Variants in CNTNAP5 observed in about 807,000 individuals in gnomAD.
The protein encoded by CNTNAP5 is contactin associated protein family member 5.
In CNTNAP5, 72 loss-of-function variants were observed where a neutral mutation model predicts 150.2. That is an observed-to-expected ratio of 0.48 (90% CI 0.40 to 0.58). The LOEUF (loss-of-function observed/expected upper bound fraction) is 0.58. Ranked by LOEUF, CNTNAP5 falls within the 20% of genes least tolerant of loss-of-function variation. The pLI is 0.00. For missense variants in CNTNAP5, 1,636 were observed against 1,626.2 expected (o/e 1.01, Z -0.10); for synonymous variants, 672 against 619.8 (o/e 1.08, Z -1.25).
At chr2:124,777,102 T>A (rs1181330817) in intron 17 of CNTNAP5, among the ~76,000 whole-genome samples, 1 of 149,248 alleles carries the variant, frequency 6.7e-6, no homozygotes, top group African/African-American at 2.5e-5. Context: ...TAAGAAACAC[T>A]AGAAGAGCAC....
chr2:124,650,475 C>A (rs1246059619), intron 13 of CNTNAP5, among the ~76,000 whole-genome samples: 1 of 152,210 alleles, frequency 6.6e-6, no homozygotes, highest in Non-Finnish European at 1.5e-5. Context: ...CAACAGCCAG[C>A]ATCCAGGGCA....
At chr2:124,796,234 CTT>C (rs1558779096) in intron 18 of CNTNAP5, among the ~76,000 whole-genome samples, 1 of 152,032 alleles carries the variant, frequency 6.6e-6, no homozygotes, top group African/African-American at 2.4e-5. Flanking sequence ...AATTTATTGT[CTT>C]AAGTATAAAG....
chr2:124,432,957 G>A (rs1180550868), intron 4 of CNTNAP5, among the ~76,000 whole-genome samples: 3 of 152,180 alleles, frequency 2.0e-5, no homozygotes, highest in Admixed American at 2.0e-4. Flanking sequence ...AGTTCACATT[G>A]ATGTGTCATA....
At chr2:124,249,325 TG>T (rs1687112359) in intron 3 of CNTNAP5, among the ~76,000 whole-genome samples, 1 of 152,208 alleles carries the variant, frequency 6.6e-6, no homozygotes, top group Non-Finnish European at 1.5e-5. Context: ...CTTTCCCCTT[TG>T]TTTTCCTTCC....
chr2:124,774,392 G>A (rs1266843490), intron 17 of CNTNAP5, among the ~76,000 whole-genome samples: 2 of 152,064 alleles, frequency 1.3e-5, no homozygotes, highest in African/African-American at 2.4e-5. Context: ...AATAGAGTGT[G>A]AGGATATCAT....
chr2:124,576,915 G>T (rs1176847235), intron 11 of CNTNAP5, among the ~76,000 whole-genome samples: 1 of 152,026 alleles, frequency 6.6e-6, no homozygotes, highest in Non-Finnish European at 1.5e-5. Flanking sequence ...ACATTTTCTG[G>T]CCATCTGTGC....
chr2:124,285,338 TAG>T (rs1375898914), intron 3 of CNTNAP5, among the ~76,000 whole-genome samples: 3 of 152,182 alleles, frequency 2.0e-5, no homozygotes, highest in Non-Finnish European at 4.4e-5. Flanking sequence ...TCCCTTTTCA[TAG>T]AGTTATCTTA....
intron 14 of CNTNAP5, among the ~76,000 whole-genome samples, chr2:124,749,020 A>G (rs189764538): frequency 2.7e-4 from 41 of 152,186 alleles, no homozygotes; most frequent in Middle Eastern, 3.4e-3. Context: ...TAAACATTAT[A>G]CCTCTCAAGA....
intron 10 of CNTNAP5, among the ~76,000 whole-genome samples, chr2:124,529,907 G>A (rs1227222077): frequency 6.6e-6 from 1 of 152,152 alleles, no homozygotes; most frequent in Non-Finnish European, 1.5e-5. Flanking sequence ...TCAAAGTGAA[G>A]TGGGATCCCG....
At chr2:124,525,276 G>C (rs1032653515) in intron 9 of CNTNAP5, among the ~76,000 whole-genome samples, 1 of 152,192 alleles carries the variant, frequency 6.6e-6, no homozygotes, top group East Asian at 1.9e-4. Context: ...CCTTGAGAAA[G>C]ATACTTATAG....
At chr2:124,565,660 C>T (rs1484862695) in intron 11 of CNTNAP5, among the ~76,000 whole-genome samples, 5 of 133,850 alleles carry the variant, frequency 3.7e-5, no homozygotes, top group African/African-American at 5.6e-5. Context: ...AGTGCAGTGG[C>T]GCGATCTCGG....
chr2:124,620,135 A>ATCTC (rs1677581189), intron 12 of CNTNAP5, among the ~76,000 whole-genome samples: 2 of 151,960 alleles, frequency 1.3e-5, no homozygotes, highest in African/African-American at 4.8e-5. Context: ...GAAAATAAGG[A>ATCTC]ACAGGGTGTG....
At chr2:124,430,841 T>C (rs1455330726) in intron 4 of CNTNAP5, among the ~76,000 whole-genome samples, 1 of 152,220 alleles carries the variant, frequency 6.6e-6, no homozygotes. Context: ...AAGTTCTTGA[T>C]AGCATCTTTA....
intron 3 of CNTNAP5, among the ~76,000 whole-genome samples, chr2:124,416,947 T>C (rs1691933785): frequency 6.7e-6 from 1 of 148,376 alleles, no homozygotes; most frequent in Admixed American, 6.7e-5. Context: ...TTTTTTTTTT[T>C]TTTTTTTTTT....
chr2:124,831,064 T>C (rs553465288), intron 19 of CNTNAP5, among the ~76,000 whole-genome samples: 16 of 152,158 alleles, frequency 1.1e-4, no homozygotes, highest in African/African-American at 3.4e-4. Context: ...CAAAATTTTG[T>C]TTTGTTTTAA....
chr2:124,887,126 T>C (rs938224485), intron 21 of CNTNAP5, among the ~76,000 whole-genome samples: 1 of 152,076 alleles, frequency 6.6e-6, no homozygotes, highest in Admixed American at 6.6e-5. Flanking sequence ...AAATTCCTAA[T>C]TTATAGTACT....
chr2:124,204,229 T>A (rs1483533343), intron 1 of CNTNAP5, among the ~76,000 whole-genome samples: 1 of 152,160 alleles, frequency 6.6e-6, no homozygotes, highest in Admixed American at 6.5e-5. Flanking sequence ...ATGCTACCAG[T>A]CTCTTCGATA....
At chr2:124,557,744 C>T (rs539733492) in intron 10 of CNTNAP5, among the ~76,000 whole-genome samples, 7 of 152,162 alleles carry the variant, frequency 4.6e-5, no homozygotes, top group African/African-American at 1.7e-4. Flanking sequence ...AAGGTTTGCA[C>T]ATTAAATAAC....
At chr2:124,251,189 A>G (rs1687164750) in intron 3 of CNTNAP5, among the ~76,000 whole-genome samples, 1 of 152,134 alleles carries the variant, frequency 6.6e-6, no homozygotes, top group Non-Finnish European at 1.5e-5. Flanking sequence ...AAGTTTGTCT[A>G]ACACCCTAGA....
Sources: allele counts gnomAD v4.1 joint callset (sites outside exome capture counted in the v4.1 genomes callset), GRCh38; gene constraint gnomAD v4.1.1; transcripts MANE v1.5; gene names NCBI Gene and HGNC (gene_info 2026-07-23, HGNC 2026-07-21).